Variants in CBX5 observed in about 807,000 individuals in gnomAD.
The protein encoded by CBX5 is chromobox 5.
A neutral mutation model predicts 20.7 loss-of-function variants in CBX5; 7 were observed. That is an observed-to-expected ratio of 0.34 (90% CI 0.19 to 0.63). CBX5 has a LOEUF of 0.63. Among genes scored for constraint, CBX5 ranks in the 30% least tolerant of loss-of-function variants. CBX5 has a pLI of 0.75. For synonymous variants in CBX5, 78 were observed against 77.0 expected (o/e 1.01, Z -0.07); for missense variants, 110 against 224.1 (o/e 0.49, Z 3.25).
chr12:54,275,312 G>A (rs1383692943), intron 1 of CBX5, among the ~76,000 whole-genome samples: 6 of 151,748 alleles, frequency 4.0e-5, no homozygotes, highest in African/African-American at 9.7e-5. Flanking sequence ...GTGCAATCTC[G>A]GCTCACTGTA....
At chr12:54,263,799 A>T (rs1331903103) in intron 1 of CBX5, among the ~76,000 whole-genome samples, 2 of 150,402 alleles carry the variant, frequency 1.3e-5, no homozygotes, top group Non-Finnish European at 1.5e-5. Flanking sequence ...GAAAAAAGAA[A>T]AAAAAAGGCC....
Position 54,240,892 on chromosome 12 carries a change from A to G in CBX5, c.*863T>C, listed in dbSNP as rs1437273353. ...ACACCTACATAAATATACAGTCTAA[A>G]TATGAGGAATGGAAAGAAATCATAC... On this transcript the variant is annotated 3_prime_UTR_variant, in exon 5 of 5. Transcript: ENST00000209875. 1 of 152,204 alleles carries G rather than the reference A, an allele frequency of 6.6e-6. No individual in the cohort carries two copies. Among genetic ancestry groups the G allele is most frequent in the Non-Finnish European group, 1.5e-5 (1 of 68,042 alleles). 9.4% of individuals were successfully genotyped at this position (152,204 alleles called of 1,614,324 possible). A position where few individuals can be genotyped will look rare whatever the true frequency, so the allele number is the denominator to read the frequency against.
intron 1 of CBX5, among the ~76,000 whole-genome samples, chr12:54,265,035 A>C (rs1943944368): frequency 6.6e-6 from 1 of 152,184 alleles, no homozygotes; most frequent in Non-Finnish European, 1.5e-5. Context: ...AGGGTTAAAG[A>C]GCAGAGGAGA....
chr12:54,266,351 TG>T (rs1291896721), intron 1 of CBX5, among the ~76,000 whole-genome samples: 8 of 152,076 alleles, frequency 5.3e-5, no homozygotes, highest in African/African-American at 1.9e-4. Context: ...TGAGCTGAGA[TG>T]GCACCACTGC....
At chr12:54,246,379 A>G (rs1038549408) in intron 3 of CBX5, among the ~76,000 whole-genome samples, 164 bp from the exon 4 acceptor site, 3 of 152,200 alleles carry the variant, frequency 2.0e-5, no homozygotes, top group Non-Finnish European at 4.4e-5. Flanking sequence ...TGACAGTGAC[A>G]ATGAAGTGAC....
Position 54,232,738 on chromosome 12 carries a change from A to C in CBX5, c.*9017T>G, listed in dbSNP as rs1943581280. The C allele has an allele frequency of 6.6e-6, 1 of 152,032 alleles. No individual in the cohort carries two copies. Among genetic ancestry groups the C allele is most frequent in the African/African-American group, 2.4e-5 (1 of 41,370 alleles). The allele number at this position is 152,032 out of a possible 1,614,324, so 9.4% of individuals were successfully genotyped here. A position where few individuals can be genotyped will look rare whatever the true frequency, so the allele number is the denominator to read the frequency against. Reference sequence around the variant, plus strand: ...CTAGTATAATGTGAGGAATCTTGGAAAAATGAACTGCTTCTGAAAGTCATG... The same window carrying C: ...CTAGTATAATGTGAGGAATCTTGGACAAATGAACTGCTTCTGAAAGTCATG... On this transcript the variant is annotated 3_prime_UTR_variant, in exon 5 of 5. Transcript: ENST00000209875.
Position 54,235,974 on chromosome 12 carries a change from C to T in CBX5, c.*5781G>A, listed in dbSNP as rs1209451923. On this transcript the variant is annotated 3_prime_UTR_variant, in exon 5 of 5. Transcript: ENST00000209875. ...AAACCAGGGATGAAAATCAGGAGTT[C>T]TCAATCCCAACTCACCTGTTTTCTC... is the stretch of plus-strand genomic sequence containing the variant. 1 of 152,228 alleles carries T rather than the reference C, an allele frequency of 6.6e-6. No homozygotes were observed. Among genetic ancestry groups the T allele is most frequent in the African/African-American group, 2.4e-5 (1 of 41,454 alleles). The allele number at this position is 152,228 out of a possible 1,614,324, so 9.4% of individuals were successfully genotyped here.
chr12:54,247,044 C>T (rs1329349917), intron 3 of CBX5, among the ~76,000 whole-genome samples: 1 of 152,068 alleles, frequency 6.6e-6, no homozygotes, highest in African/African-American at 2.4e-5. Context: ...TTCACAGTCA[C>T]CTGTGTTTAT....
intron 1 of CBX5, among the ~76,000 whole-genome samples, chr12:54,267,517 T>C (rs946903816): frequency 2.7e-5 from 4 of 146,678 alleles, no homozygotes; most frequent in South Asian, 2.1e-4. Flanking sequence ...ATTTTTCTCT[T>C]TTTTTTTTTT....
chr12:54,248,529 C>T (rs1451237140), intron 3 of CBX5, among the ~76,000 whole-genome samples: 2 of 152,116 alleles, frequency 1.3e-5, no homozygotes, highest in African/African-American at 2.4e-5. Flanking sequence ...ACATTCCACG[C>T]GTGGATCAAT....
chr12:54,263,220 G>T (rs1943927409), intron 1 of CBX5, among the ~76,000 whole-genome samples: 1 of 151,548 alleles, frequency 6.6e-6, no homozygotes, highest in Non-Finnish European at 1.5e-5. Context: ...AATTAGCCAG[G>T]TGTGGTGGCA....
chr12:54,268,562 G>T (rs1309225879), intron 1 of CBX5, among the ~76,000 whole-genome samples: 2 of 152,124 alleles, frequency 1.3e-5, no homozygotes, highest in Admixed American at 1.3e-4. Context: ...CCAAAGATAT[G>T]ATTAATATAG....
At chr12:54,275,835 G>A (rs998719265) in intron 1 of CBX5, among the ~76,000 whole-genome samples, 3 of 151,606 alleles carry the variant, frequency 2.0e-5, no homozygotes, top group Non-Finnish European at 2.9e-5. Context: ...GAGAAACCCC[G>A]TCTCTACTAA....
chr12:54,266,706 T>G (rs948026091), intron 1 of CBX5, among the ~76,000 whole-genome samples: 1 of 152,234 alleles, frequency 6.6e-6, no homozygotes, highest in Non-Finnish European at 1.5e-5. Context: ...CAGAACTGCT[T>G]GAAGGTATCA....
At position 54,239,881 on chromosome 12, in the gene CBX5, A is replaced by C. The variant is rs1398486906; in HGVS notation, c.*1874T>G. On this transcript the variant is annotated 3_prime_UTR_variant, in exon 5 of 5. Transcript: ENST00000209875. ...AATTCAATCAGCAGCTGAGCAGGGAAGCAATGTTAACAAATGCTATGAATG... is the reference window on the plus strand; with the variant it reads ...AATTCAATCAGCAGCTGAGCAGGGACGCAATGTTAACAAATGCTATGAATG... 2 of 152,236 alleles carry C rather than the reference A, an allele frequency of 1.3e-5. No homozygotes were observed. Among genetic ancestry groups the C allele is most frequent in the Non-Finnish European group, 2.9e-5 (2 of 68,042 alleles). The allele number at this position is 152,236 out of a possible 1,614,324, so 9.4% of individuals were successfully genotyped here.
At chr12:54,260,837 A>G (rs981282031) in intron 1 of CBX5, among the ~76,000 whole-genome samples, 5 of 152,142 alleles carry the variant, frequency 3.3e-5, no homozygotes, top group African/African-American at 1.2e-4. Context: ...TAGATGTGGG[A>G]ACTTTAAAGC....
In CBX5 at chr12:54,257,651, G is replaced by T. The variant is rs761451868; in HGVS notation, c.-1C>A. On this transcript the variant is annotated 5_prime_UTR_variant, in exon 2 of 5. Coordinates refer to ENST00000209875, the MANE Select transcript of CBX5 (RefSeq NM_012117.3). ...CTGTCCGCTTGGTTTTCTTTCCCAT[G>T]TCGCACACCGTTCCACCTGAAAGAC... is the stretch of plus-strand genomic sequence containing the variant. 6.2e-7 allele frequency: 1 copy of T among 1,614,160 alleles called. No homozygotes were observed. The highest frequency in any genetic ancestry group is 1.7e-5 in the Admixed American group (1 of 60,010).
chr12:54,257,773 GA>G, intron 1 of CBX5, 81 bp from the exon 2 acceptor site: 3 of 1,000,634 alleles, frequency 3.0e-6, no homozygotes, highest in East Asian at 2.4e-5. Flanking sequence ...ATGAAAAGGG[GA>G]TAACACTGAG....
chr12:54,276,070 G>T (rs1298360041), intron 1 of CBX5, among the ~76,000 whole-genome samples: 2 of 150,820 alleles, frequency 1.3e-5, no homozygotes, highest in Admixed American at 6.6e-5. Context: ...TAAGCATTGT[G>T]AGACTTCACA....
Sources: gnomAD v4.1 joint callset for allele counts (sites outside exome capture counted in the v4.1 genomes callset) on GRCh38, gnomAD v4.1.1 for gene constraint, MANE v1.5 for transcripts, NCBI Gene and HGNC (gene_info 2026-07-23, HGNC 2026-07-21) for gene names.